Variants in FABP3 observed in about 807,000 individuals in gnomAD.
The protein encoded by FABP3 is fatty acid binding protein 3.
In FABP3, 8 loss-of-function variants were observed where a neutral mutation model predicts 13.4. The observed-to-expected ratio is 0.60, with a 90% CI of 0.35 to 1.07. FABP3 has a LOEUF of 1.07. Ranked by LOEUF, FABP3 falls within the 50% of genes least tolerant of loss-of-function variation. The probability of loss-of-function intolerance (pLI) is 0.02; values close to 1 mark genes in which losing one functional copy is unlikely to be tolerated. For synonymous variants in FABP3, 64 were observed against 60.0 expected (o/e 1.07, Z -0.31); for missense variants, 135 against 164.7 (o/e 0.82, Z 0.99).
intron 1 of FABP3, 70 bp downstream of exon 1, chr1:31,372,872 T>G (rs1569982584): frequency 4.9e-6 from 7 of 1,420,934 alleles, no homozygotes; most frequent in South Asian, 1.1e-5. Context: ...GCGGCAGGAG[T>G]GCTGCGTGGG....
At chr1:31,368,182 G>A (rs1445098287) in intron 2 of FABP3, among the ~76,000 whole-genome samples, 1 of 152,196 alleles carries the variant, frequency 6.6e-6, no homozygotes, top group East Asian at 1.9e-4. Context: ...TAGGAGTTTG[G>A]GGGCCACAAG....
chr1:31,366,781 G>T (rs1478747087), intron 3 of FABP3, among the ~76,000 whole-genome samples: 1 of 152,154 alleles, frequency 6.6e-6, no homozygotes, highest in Middle Eastern at 3.2e-3. Context: ...GTTTCAGTAG[G>T]CCAGACATAG....
At chr1:31,372,183 C>G (rs1640220017) in intron 1 of FABP3, among the ~76,000 whole-genome samples, 1 of 152,120 alleles carries the variant, frequency 6.6e-6, no homozygotes, top group Admixed American at 6.6e-5. Context: ...GCCTTGGGAC[C>G]CTCTACTGCA....
Position 31,372,984 on chromosome 1 carries a change from G to T in FABP3, c.31C>A (p.Leu11Ile). The change falls in exon 1 of 4, where the codon CTA becomes ATA. Residue 11 changes from leucine to isoleucine, a missense_variant. Coordinates refer to ENST00000373713, the MANE Select transcript of FABP3 (RefSeq NM_004102.5). MVDAFLGTWK[L>I]VDSKNFDDYM... ...TCATCGAAATTCTTGCTGTCCACTA[G>T]CTTCCAGGTGCCCAGGAAAGCGTCC... 6.2e-7 allele frequency: 1 copy of T among 1,613,998 alleles called. No homozygotes were observed. Among genetic ancestry groups the T allele is most frequent in the Non-Finnish European group, 8.5e-7 (1 of 1,180,040 alleles).
rs1461480081 is a variant in FABP3, at chr1:31,367,303, CAG to C, written c.348+88_348+89del. The stretch of plus-strand genomic sequence containing the variant: ...CTCTTGTCCCAGCTTCTACAGCTCT[CAG>C]GGGAGGACTTGGCTTTTTAGAACAG... On this transcript the variant is annotated intron_variant, in intron 3 of 3. Coordinates refer to ENST00000373713, the MANE Select transcript of FABP3 (RefSeq NM_004102.5). 3 of 1,046,258 alleles carry C rather than the reference CAG, an allele frequency of 2.9e-6. No individual in the cohort carries two copies. The African/African-American group carries it at 4.7e-5, about 16-fold the overall frequency. The allele number at this position is 1,046,258 out of a possible 1,614,324, so 64.8% of individuals were successfully genotyped here.
At chr1:31,363,210 G>A (rs1639989206), downstream of FABP3, among the ~76,000 whole-genome samples, 3 of 144,734 alleles carry the variant, frequency 2.1e-5, no homozygotes, top group South Asian at 6.6e-4. Flanking sequence ...TTGAGACGGA[G>A]TCTCGCTCTG....
At chr1:31,360,235 T>G in the FABP3 span, among the ~76,000 whole-genome samples, 1 of 151,126 alleles carries the variant, frequency 6.6e-6, no homozygotes. Context: ...AGTGGCGCGA[T>G]CTTGGCTCAC....
chr1:31,367,646 A>C lies in FABP3; in HGVS notation c.247-152T>G, dbSNP rs986158016. The C allele has an allele frequency of 5.0e-5, 34 of 675,510 alleles. No homozygotes were observed. In the Admixed American group the frequency reaches 7.2e-4, roughly 14 times the overall value. 41.8% of individuals were successfully genotyped at this position (675,510 alleles called of 1,614,324 possible). On this transcript the variant is annotated intron_variant, in intron 2 of 3. Coordinates refer to ENST00000373713, the MANE Select transcript of FABP3 (RefSeq NM_004102.5). ...AGCTCAGGCAATCCGCCTCCCAGCT[A>C]TCCCTGCAAGACATCTAGTTCACCT...
In FABP3 at chr1:31,365,797, CAA is replaced by C. The variant is rs974032329; in HGVS notation, c.*87_*88del. On this transcript the variant is annotated 3_prime_UTR_variant, in exon 4 of 4. Transcript: ENST00000373713. ...CCCCAGAAGAATTCGTGGATTTGTA[CAA>C]AATGCAGAGGAAGAAATGAGGCAAT... The C allele has an allele frequency of 4.9e-6, 6 of 1,234,028 alleles. No individual in the cohort carries two copies. The African/African-American group carries it at 8.9e-5, about 18-fold the overall frequency. The allele number at this position is 1,234,028 out of a possible 1,614,324, so 76.4% of individuals were successfully genotyped here.
At chr1:31,365,192 A>G (rs944355247), downstream of FABP3, among the ~76,000 whole-genome samples, 2 of 152,212 alleles carry the variant, frequency 1.3e-5, no homozygotes, top group African/African-American at 4.8e-5. Flanking sequence ...ATTTGTAGTC[A>G]TAAGTACTAG....
Position 31,373,040 on chromosome 1 carries a change from A to C in FABP3, c.-26T>G, listed in dbSNP as rs1336662312. The C allele has an allele frequency of 6.2e-7, 1 of 1,612,518 alleles. No individual in the cohort carries two copies. The stretch of plus-strand genomic sequence containing the variant: ...AGTGATGCTGGGCTAGGCTGAGAGA[A>C]GCTACAAGAGAGCAGGCGTGCAAGG... On this transcript the variant is annotated 5_prime_UTR_variant, in exon 1 of 4. Transcript: ENST00000373713.
intron 1 of FABP3, among the ~76,000 whole-genome samples, chr1:31,371,528 C>T (rs940280555): frequency 8.5e-5 from 13 of 152,284 alleles, no homozygotes; most frequent in East Asian, 1.9e-4. Flanking sequence ...TCCATTCCTA[C>T]GATGAGAATG....
In FABP3 at chr1:31,372,985, C is replaced by G; in HGVS notation, c.30G>C (p.Lys10Asn). The change falls in exon 1 of 4, where the codon AAG (lysine) becomes AAC (asparagine). Residue 10 changes from lysine (K) to asparagine (N), a missense_variant. Coordinates refer to ENST00000373713, the MANE Select transcript of FABP3 (RefSeq NM_004102.5). ...CATCGAAATTCTTGCTGTCCACTAG[C>G]TTCCAGGTGCCCAGGAAAGCGTCCA... MVDAFLGTW[K>N]LVDSKNFDDY... 6.2e-7 allele frequency: 1 copy of G among 1,614,074 alleles called. No homozygotes were observed.
chr1:31,363,073 C>G (rs866022392), downstream of FABP3, among the ~76,000 whole-genome samples: 1 of 151,908 alleles, frequency 6.6e-6, no homozygotes, highest in African/African-American at 2.4e-5. Flanking sequence ...GTTATACGCA[C>G]TGGAACCTAC....
At chr1:31,360,255 C>T (rs1394945584), downstream of FABP3, among the ~76,000 whole-genome samples, 4 of 151,998 alleles carry the variant, frequency 2.6e-5, no homozygotes, top group East Asian at 1.9e-4. Context: ...CCAAAACCTC[C>T]GCCTCCCACG....
chr1:31,367,332 C>G (rs1031757078), intron 3 of FABP3, 61 bp downstream of exon 3: 2 of 1,397,376 alleles, frequency 1.4e-6, no homozygotes, highest in Non-Finnish European at 2.0e-6. Context: ...TTAGAACAGG[C>G]TTGGCTGAAA....
chr1:31,364,009 G>C, downstream of FABP3: 3 of 1,607,236 alleles, frequency 1.9e-6, no homozygotes, highest in Non-Finnish European at 2.5e-6. Flanking sequence ...ATACAGTGTT[G>C]ATTTTTAAAA....
intron 2 of FABP3, among the ~76,000 whole-genome samples, chr1:31,367,994 G>A (rs1432255648): frequency 6.6e-6 from 1 of 152,190 alleles, no homozygotes; most frequent in East Asian, 1.9e-4. Flanking sequence ...TAGACTTCCT[G>A]CCCTGTATTC....
At chr1:31,360,523 C>G (rs188053687), downstream of FABP3, among the ~76,000 whole-genome samples, 18 of 152,318 alleles carry the variant, frequency 1.2e-4, no homozygotes, top group East Asian at 1.9e-3. Context: ...AGGCTAGACA[C>G]GTAGGGAAAA....
Sources: allele counts gnomAD v4.1 joint callset (sites outside exome capture counted in the v4.1 genomes callset), GRCh38; gene constraint gnomAD v4.1.1; transcripts MANE v1.5; gene names NCBI Gene and HGNC (gene_info 2026-07-23, HGNC 2026-07-21).